PHF21A: variants seen among roughly 807,000 people sequenced by gnomAD.
PHF21A encodes the protein BHC80a.
PHF21A carries 11 observed loss-of-function variants against 82.5 expected under a neutral mutation model. The ratio of observed to expected loss-of-function variants is 0.13; its 90% CI spans 0.08 to 0.22. PHF21A has a LOEUF of 0.22. Ranked by LOEUF, PHF21A falls within the 10% of genes least tolerant of loss-of-function variation. The pLI, the probability that PHF21A is intolerant of heterozygous loss-of-function variation, is 1.00. For missense variants in PHF21A, 579 were observed against 837.8 expected (o/e 0.69, Z 3.81); for synonymous variants, 297 against 302.8 (o/e 0.98, Z 0.20).
At chr11:45,984,484 T>C (rs2094426543) in intron 6 of PHF21A, among the ~76,000 whole-genome samples, 1 of 152,196 alleles carries the variant, frequency 6.6e-6, no homozygotes, top group Non-Finnish European at 1.5e-5. Flanking sequence ...CGGTGATCAA[T>C]ATTGTGACAT....
intron 6 of PHF21A, among the ~76,000 whole-genome samples, chr11:46,047,967 ACT>A (rs1193178595): frequency 6.6e-6 from 1 of 152,242 alleles, no homozygotes; most frequent in Non-Finnish European, 1.5e-5. Flanking sequence ...AATATGTAAT[ACT>A]TTTTTAAACA....
Position 45,938,149 on chromosome 11 carries a change from C to A in PHF21A, c.1608+8G>T, listed in dbSNP as rs1273460386. 5 of 1,575,066 alleles carry A rather than the reference C, an allele frequency of 3.2e-6. No individual in the cohort carries two copies. Among genetic ancestry groups the A allele is most frequent in the Non-Finnish European group, 3.5e-6 (4 of 1,157,592 alleles). ...CGGCCCCTCCCCTGTTGGACCCACC[C>A]ACAGTACCTGGTCCTGACATCTGGG... On this transcript the variant is annotated splice_region_variant and intron_variant, in intron 16 of 18. Transcript: ENST00000676320.
At chr11:45,938,107 C>T (rs201159425) in intron 16 of PHF21A, 50 bp downstream of exon 16, 18 of 1,442,098 alleles carry the variant, frequency 1.2e-5, no homozygotes, top group South Asian at 8.6e-5. Context: ...TCCTGATGGC[C>T]GTGTCTTTGT....
intron 1 of PHF21A, among the ~76,000 whole-genome samples, chr11:46,115,709 CTAGA>C (rs2097281058): frequency 6.6e-6 from 1 of 152,108 alleles, no homozygotes; most frequent in South Asian, 2.1e-4. Flanking sequence ...GAAATCAGTT[CTAGA>C]TATAGATATA....
Position 45,934,199 on chromosome 11 carries a change from G to T in PHF21A, c.1815C>A (p.Ile605=), listed in dbSNP as rs147424018. ...ISKCMEMKNT[I]LARQKEMHSS... ...TGTGCATCTCCTTCTGCCGGGCCAG[G>T]ATGGTGTTCTTCATTTCCATGCATT... The change falls in exon 19 of 19, where the codon ATC becomes ATA. Residue 605 remains isoleucine, a synonymous_variant. Transcript: ENST00000676320. The T allele has an allele frequency of 6.2e-7, 1 of 1,613,642 alleles. No homozygotes were observed. Among genetic ancestry groups the T allele is most frequent in the South Asian group, 1.1e-5 (1 of 91,084 alleles).
At chr11:46,067,185 A>AG (rs2096604531) in intron 6 of PHF21A, among the ~76,000 whole-genome samples, 1 of 152,120 alleles carries the variant, frequency 6.6e-6, no homozygotes, top group South Asian at 2.1e-4. Flanking sequence ...TTGTCCTGTA[A>AG]GGGGGTCTGC....
chr11:46,100,874 C>T (rs182704551), intron 1 of PHF21A, among the ~76,000 whole-genome samples: 1 of 152,202 alleles, frequency 6.6e-6, no homozygotes, highest in East Asian at 1.9e-4. Context: ...AAGTTTCTAA[C>T]CACTGTTACC....
chr11:46,115,103 A>G (rs538800882), intron 1 of PHF21A, among the ~76,000 whole-genome samples: 1 of 152,294 alleles, frequency 6.6e-6, no homozygotes, highest in East Asian at 1.9e-4. Flanking sequence ...TATTTTCACC[A>G]AAGTCTTTTT....
rs79858640 is a variant in PHF21A, at chr11:45,993,758, C to T, written c.154-13792G>A. Among the ~76,000 whole-genome samples the T allele has an allele frequency of 4.9e-3, 742 of 151,548 alleles. 6 individuals are homozygous for T. The highest frequency in any genetic ancestry group is 0.017 in the African/African-American group (717 of 41,272). ...ATCCAAGGAAGTAGAGTAACCTACACAATAAATTGAAAGGGCCAAGCAGGA... is the reference window on the plus strand; with the variant it reads ...ATCCAAGGAAGTAGAGTAACCTACATAATAAATTGAAAGGGCCAAGCAGGA... On this transcript the variant is annotated intron_variant, in intron 6 of 18. Transcript: ENST00000676320.
intron 4 of PHF21A, among the ~76,000 whole-genome samples, chr11:46,083,934 G>GA (rs1331791298): frequency 1.3e-5 from 2 of 152,036 alleles, no homozygotes; most frequent in Non-Finnish European, 2.9e-5. Context: ...TTTGGTATAT[G>GA]AAAAAAATCT....
chr11:45,983,595 G>C (rs1402566289), intron 6 of PHF21A, among the ~76,000 whole-genome samples: 2 of 152,180 alleles, frequency 1.3e-5, no homozygotes, highest in African/African-American at 4.8e-5. Context: ...TGAAAGCCAG[G>C]TGAGCTCTGC....
rs1225812488 is a variant in PHF21A at position 46,121,060 on chromosome 11, GCTGCTGCTT to G, written c.-371_-363del. The G allele has an allele frequency of 5.6e-4, 88 of 156,018 alleles. No homozygotes were observed. The highest frequency in any genetic ancestry group is 2.0e-3 in the African/African-American group (85 of 41,578). 9.7% of individuals were successfully genotyped at this position (156,018 alleles called of 1,614,324 possible). On this transcript the variant is annotated 5_prime_UTR_variant, in exon 1 of 19. Transcript: ENST00000676320. ...AGGGAGGGAAGAAGCTGGAGCTGCT[GCTGCTGCTT>G]CTGCTGCTGCTCTGGGCCTCTCGCA...
chr11:45,953,320 T>A (rs948431508), intron 11 of PHF21A, among the ~76,000 whole-genome samples: 1 of 152,264 alleles, frequency 6.6e-6, no homozygotes, highest in Non-Finnish European at 1.5e-5. Flanking sequence ...AATGCCTATG[T>A]ACTAGTGCAT....
intron 12 of PHF21A, 105 bp from the exon 13 acceptor site, chr11:45,949,586 G>A: frequency 2.1e-6 from 2 of 962,306 alleles, no homozygotes; most frequent in Non-Finnish European, 3.3e-6. Context: ...TCAGAATCAG[G>A]GACAAGTCTC....
At chr11:46,076,529 C>T (rs1350799918) in intron 6 of PHF21A, among the ~76,000 whole-genome samples, 1 of 152,116 alleles carries the variant, frequency 6.6e-6, no homozygotes, top group Non-Finnish European at 1.5e-5. Flanking sequence ...TGCCACATTG[C>T]TTTTAGGTAT....
chr11:46,086,909 GA>G (rs1029447012), intron 3 of PHF21A, among the ~76,000 whole-genome samples: 6 of 152,038 alleles, frequency 3.9e-5, no homozygotes, highest in African/African-American at 1.4e-4. Flanking sequence ...AAAAATCTAT[GA>G]AAAAACAATT....
intron 1 of PHF21A, among the ~76,000 whole-genome samples, chr11:46,099,572 C>CT (rs2097062003): frequency 9.0e-6 from 1 of 111,392 alleles, no homozygotes; most frequent in African/African-American, 3.0e-5. Flanking sequence ...ACCCTAAACA[C>CT]AAACACAAAC....
intron 6 of PHF21A, among the ~76,000 whole-genome samples, chr11:46,032,269 A>G (rs2095879934): frequency 6.6e-6 from 1 of 152,188 alleles, no homozygotes; most frequent in Non-Finnish European, 1.5e-5. Flanking sequence ...AAATTAAAAT[A>G]TCATGTAATC....
intron 15 of PHF21A, among the ~76,000 whole-genome samples, chr11:45,944,536 C>T (rs2090978491): frequency 6.6e-6 from 1 of 152,160 alleles, no homozygotes; most frequent in Non-Finnish European, 1.5e-5. Context: ...CGCAACTGGC[C>T]CAGCCACTTC....
Sources: allele counts gnomAD v4.1 joint callset (sites outside exome capture counted in the v4.1 genomes callset), GRCh38; gene constraint gnomAD v4.1.1; transcripts MANE v1.5; gene names NCBI Gene and HGNC (gene_info 2026-07-23, HGNC 2026-07-21).